PRKCB: variants seen among roughly 807,000 people sequenced by gnomAD.
PRKCB encodes the protein protein kinase C beta, also known as protein kinase C beta type.
A neutral mutation model predicts 81.5 loss-of-function variants in PRKCB; 13 were observed. The observed-to-expected ratio is 0.16, with a 90% CI of 0.10 to 0.25. The LOEUF (loss-of-function observed/expected upper bound fraction) is 0.25. Ranked by LOEUF, PRKCB falls within the 10% of genes least tolerant of loss-of-function variation. The pLI is 1.00. For missense variants in PRKCB, 509 were observed against 875.7 expected, an observed-to-expected ratio of 0.58 and a Z score of 5.29; for synonymous variants, 335 against 321.4, an observed-to-expected ratio of 1.04 and a Z score of -0.45.
chr16:23,893,735 C>T (rs532270820), intron 2 of PRKCB: 1 of 152,174 alleles, frequency 6.6e-6, no homozygotes, highest in South Asian at 2.1e-4. Context: ...TTTACTGTAC[C>T]AAATCTTTTT....
chr16:24,215,704 A>T lies in PRKCB; in HGVS notation c.*888A>T. ...TTGTTACACATGCTTTAAAATATGT[A>T]TTCAAATGTTATTAACCACAATGAC... On this transcript the variant is annotated 3_prime_UTR_variant, in exon 17 of 17. Coordinates refer to ENST00000643927, the MANE Select transcript of PRKCB (RefSeq NM_002738.7). 2 of 985,332 alleles carry T rather than the reference A, an allele frequency of 2.0e-6. No homozygotes were observed. Among genetic ancestry groups the T allele is most frequent in the Non-Finnish European group, 1.2e-6 (1 of 829,560 alleles). The allele number at this position is 985,332 out of a possible 1,614,324, so 61.0% of individuals were successfully genotyped here. A position where few individuals can be genotyped will look rare whatever the true frequency, so the allele number is the denominator to read the frequency against.
intron 5 of PRKCB, among the ~76,000 whole-genome samples, chr16:24,036,001 T>C (rs971787189): frequency 3.3e-5 from 5 of 152,298 alleles, no homozygotes; most frequent in African/African-American, 1.2e-4. Flanking sequence ...ACCCCAGATT[T>C]GGAGAATATA....
chr16:24,019,669 C>A (rs933660947), intron 3 of PRKCB, among the ~76,000 whole-genome samples: 2 of 151,766 alleles, frequency 1.3e-5, no homozygotes, highest in South Asian at 4.2e-4. Flanking sequence ...GGGGCTGAGG[C>A]AGGAGGATTG....
chr16:23,862,761 C>G (rs1210363944), intron 2 of PRKCB, among the ~76,000 whole-genome samples: 1 of 152,020 alleles, frequency 6.6e-6, no homozygotes, highest in Non-Finnish European at 1.5e-5. Flanking sequence ...GGCACTTGAG[C>G]CAGAGTGACT....
chr16:24,157,368 G>C (rs1967176739), intron 10 of PRKCB, among the ~76,000 whole-genome samples: 1 of 152,176 alleles, frequency 6.6e-6, no homozygotes, highest in South Asian at 2.1e-4. Context: ...TGAATCATGG[G>C]GGCGGTTACC....
intron 3 of PRKCB, among the ~76,000 whole-genome samples, chr16:24,021,072 C>CATCTTTCT (rs1965370567): frequency 1.1e-5 from 1 of 94,372 alleles, no homozygotes; most frequent in African/African-American, 4.3e-5. Flanking sequence ...CCCTCCCTCC[C>CATCTTTCT]TTCTTTCTTT....
At chr16:24,181,188 G>A (rs895403866) in intron 13 of PRKCB, among the ~76,000 whole-genome samples, 2 of 152,168 alleles carry the variant, frequency 1.3e-5, no homozygotes, top group African/African-American at 4.8e-5. Flanking sequence ...ACACACATCA[G>A]TAAAATTCTT....
At chr16:24,018,682 C>A (rs1283542806) in intron 3 of PRKCB, among the ~76,000 whole-genome samples, 1 of 152,164 alleles carries the variant, frequency 6.6e-6, no homozygotes, top group Non-Finnish European at 1.5e-5. Flanking sequence ...TACGTATTCG[C>A]CAAATGGGCG....
chr16:23,855,767 C>T (rs143777643), intron 2 of PRKCB, among the ~76,000 whole-genome samples: 9 of 152,304 alleles, frequency 5.9e-5, no homozygotes, highest in East Asian at 1.9e-4. Flanking sequence ...GGAGCTGAGA[C>T]GGCCCTTCAG....
At chr16:24,005,839 C>T (rs1032605115) in intron 3 of PRKCB, among the ~76,000 whole-genome samples, 2 of 152,196 alleles carry the variant, frequency 1.3e-5, no homozygotes, top group African/African-American at 4.8e-5. Context: ...CAGTCAAGTG[C>T]ACTTTTCTCA....
chr16:23,882,112 T>A (rs997003428), intron 2 of PRKCB, among the ~76,000 whole-genome samples: 5 of 147,444 alleles, frequency 3.4e-5, no homozygotes, highest in African/African-American at 1.3e-4. Flanking sequence ...TCTCCCTGTT[T>A]CTCGCAGGCC....
At chr16:24,035,334 G>A in intron 4 of PRKCB, 85 bp from the exon 5 acceptor site, 1 of 1,510,374 alleles carries the variant, frequency 6.6e-7, no homozygotes, top group East Asian at 2.4e-5. Flanking sequence ...AAACAGGAAG[G>A]GCTCAGCGGT....
chr16:24,189,121 A>T (rs531200784), intron 15 of PRKCB, among the ~76,000 whole-genome samples: 106 of 152,078 alleles, frequency 7.0e-4, no homozygotes, highest in Admixed American at 1.9e-3. Context: ...TCCTGAGAAA[A>T]CCACGTGTGA....
chr16:23,849,207 C>T (rs1962429914), intron 2 of PRKCB, among the ~76,000 whole-genome samples: 1 of 152,254 alleles, frequency 6.6e-6, no homozygotes. Flanking sequence ...GTATTGGTAG[C>T]ATTTCAACTT....
At chr16:24,135,144 TG>T (rs145508755) in intron 9 of PRKCB, among the ~76,000 whole-genome samples, 1,643 of 151,908 alleles carry the variant, frequency 0.011, 33 homozygotes, top group African/African-American at 0.036. Context: ...CTGTGCCTGG[TG>T]GGTTTTGATG....
chr16:23,836,371 C>G (rs1309976307), intron 1 of PRKCB, 23 bp downstream of exon 1: 1 of 1,591,734 alleles, frequency 6.3e-7, no homozygotes, highest in African/African-American at 1.4e-5. Context: ...GCGCAGGGCA[C>G]CTTCCCGGGC....
At chr16:23,912,535 CAG>C (rs1448768645) in intron 2 of PRKCB, among the ~76,000 whole-genome samples, 1 of 33,856 alleles carries the variant, frequency 3.0e-5, no homozygotes, top group African/African-American at 1.2e-4. Flanking sequence ...TTTTTTGAGA[CAG>C]AGTCTCTCTC....
chr16:24,209,190 G>T (rs1968095338), intron 16 of PRKCB, among the ~76,000 whole-genome samples: 2 of 152,100 alleles, frequency 1.3e-5, no homozygotes. Context: ...TAGACTGGCT[G>T]GCTTGGGTTC....
intron 5 of PRKCB, among the ~76,000 whole-genome samples, chr16:24,053,332 C>A (rs1965864813): frequency 6.6e-6 from 1 of 152,192 alleles, no homozygotes; most frequent in African/African-American, 2.4e-5. Flanking sequence ...GCCAGATGGG[C>A]TTTGGAGCTA....
Sources: gnomAD v4.1 joint callset for allele counts (sites outside exome capture counted in the v4.1 genomes callset) on GRCh38, gnomAD v4.1.1 for gene constraint, MANE v1.5 for transcripts, NCBI Gene and HGNC (gene_info 2026-07-23, HGNC 2026-07-21) for gene names.